Variants in ZFPM2 observed in about 807,000 individuals in gnomAD.
The protein encoded by ZFPM2 is zinc finger protein, FOG family member 2, also known as zinc finger protein ZFPM2.
Under a neutral mutation model 98.6 loss-of-function variants are expected in ZFPM2, and 20 were observed. That is an observed-to-expected ratio of 0.20 (90% confidence interval 0.14 to 0.29). ZFPM2 has a LOEUF of 0.29. Among genes scored for constraint, ZFPM2 ranks in the 10% least tolerant of loss-of-function variants. The probability of loss-of-function intolerance (pLI) is 1.00; values close to 1 mark genes in which losing one functional copy is unlikely to be tolerated. For missense variants in ZFPM2, 1,310 were observed against 1,388.6 expected, an observed-to-expected ratio of 0.94 and a Z score of 0.90; for synonymous variants, 518 against 502.7, an observed-to-expected ratio of 1.03 and a Z score of -0.41.
chr8:105,714,992 G>T (rs1185258464), intron 5 of ZFPM2, among the ~76,000 whole-genome samples: 1 of 152,020 alleles, frequency 6.6e-6, no homozygotes, highest in Non-Finnish European at 1.5e-5. Flanking sequence ...TCTGATGTAG[G>T]TCTTTGGTGT....
intron 1 of ZFPM2, among the ~76,000 whole-genome samples, chr8:105,393,373 T>TCTTTCTTTCTTTCTTTCTTG (rs1386470186): frequency 9.4e-6 from 1 of 106,666 alleles, no homozygotes; most frequent in Non-Finnish European, 1.9e-5. Flanking sequence ...TTTCTTTCTT[T>TCTTTCTTTCTTTCTTTCTTG]CTTTCTTTCT....
intron 4 of ZFPM2, among the ~76,000 whole-genome samples, chr8:105,590,733 TGTGCAA>T (rs1317414095): frequency 2.6e-5 from 4 of 151,872 alleles, no homozygotes; most frequent in Non-Finnish European, 4.4e-5. Flanking sequence ...CATGCATGAG[TGTGCAA>T]GTGCATGTGC....
intron 1 of ZFPM2, among the ~76,000 whole-genome samples, chr8:105,324,612 C>T (rs147921211): frequency 5.5e-4 from 84 of 151,932 alleles, no homozygotes; most frequent in African/African-American, 1.8e-3. Flanking sequence ...TTTCTAGTAT[C>T]GATGTTTTTG....
chr8:105,690,394 A>T (rs999581907), intron 5 of ZFPM2, among the ~76,000 whole-genome samples: 16 of 152,202 alleles, frequency 1.1e-4, no homozygotes, highest in African/African-American at 3.6e-4. Context: ...GGCATTGACC[A>T]TCGGGGCCAA....
At chr8:105,753,241 G>A (rs2131057015) in intron 5 of ZFPM2, among the ~76,000 whole-genome samples, 1 of 152,238 alleles carries the variant, frequency 6.6e-6, no homozygotes, top group South Asian at 2.1e-4. Flanking sequence ...GAGATCAGTA[G>A]CTTAAATTCT....
chr8:105,664,791 C>T (rs1817459174), intron 5 of ZFPM2, among the ~76,000 whole-genome samples: 1 of 151,842 alleles, frequency 6.6e-6, no homozygotes, highest in Admixed American at 6.6e-5. Flanking sequence ...AGGCAGAGAC[C>T]TTATCAGTTA....
intron 5 of ZFPM2, among the ~76,000 whole-genome samples, chr8:105,754,807 G>T (rs1563550077): frequency 6.6e-6 from 1 of 151,964 alleles, no homozygotes; most frequent in African/African-American, 2.4e-5. Context: ...CATGACGGTT[G>T]CAAAATTGGC....
chr8:105,477,182 A>G (rs756766412), intron 3 of ZFPM2, among the ~76,000 whole-genome samples: 8 of 151,534 alleles, frequency 5.3e-5, no homozygotes, highest in Non-Finnish European at 8.8e-5. Flanking sequence ...ACTTGTGCTT[A>G]ATACTGAACA....
intron 5 of ZFPM2, among the ~76,000 whole-genome samples, chr8:105,747,184 T>C (rs1402750211): frequency 1.3e-5 from 2 of 152,130 alleles, no homozygotes; most frequent in Non-Finnish European, 2.9e-5. Context: ...ATTTCCTTAA[T>C]GCACTTCACT....
chr8:105,601,085 C>G (rs1816081710), intron 4 of ZFPM2, among the ~76,000 whole-genome samples: 1 of 152,094 alleles, frequency 6.6e-6, no homozygotes, highest in Non-Finnish European at 1.5e-5. Context: ...GCTCCTCCCT[C>G]TCACCCTGGG....
At chr8:105,776,870 G>A (rs1813117635) in intron 5 of ZFPM2, among the ~76,000 whole-genome samples, 1 of 152,156 alleles carries the variant, frequency 6.6e-6, no homozygotes, top group African/African-American at 2.4e-5. Context: ...AATACAGAAA[G>A]TTCTTTGGAA....
intron 4 of ZFPM2, among the ~76,000 whole-genome samples, chr8:105,580,590 G>A (rs1815568788): frequency 6.6e-6 from 1 of 151,990 alleles, no homozygotes; most frequent in African/African-American, 2.4e-5. Context: ...TGTTTCGCTT[G>A]ACGATGTTAA....
chr8:105,424,406 G>A (rs906498468), intron 2 of ZFPM2, among the ~76,000 whole-genome samples: 6 of 152,016 alleles, frequency 3.9e-5, no homozygotes, highest in Non-Finnish European at 8.8e-5. Context: ...CTAGAGAAAT[G>A]AACTAAAATT....
At position 105,802,056 on chromosome 8, in the gene ZFPM2, CAAT is replaced by C. The variant is rs759533183; in HGVS notation, c.1975_1977del (p.Asn659del). On this transcript the variant is annotated inframe_deletion, in exon 8 of 8. Coordinates refer to ENST00000407775, the MANE Select transcript of ZFPM2 (RefSeq NM_012082.4). Reference sequence around the variant, plus strand: ...CTAAGAAGCTCTCCACCTCCAGTAACAATGATGACAAAATTAATGGAAAACCTG... The same window carrying C: ...CTAAGAAGCTCTCCACCTCCAGTAACGATGACAAAATTAATGGAAAACCTG... 1.2e-5 allele frequency: 20 copies of C among 1,613,654 alleles called. No individual in the cohort carries two copies. Among genetic ancestry groups the C allele is most frequent in the Middle Eastern group, 1.6e-4 (1 of 6,084 alleles).
At chr8:105,785,752 T>A (rs544408509) in intron 5 of ZFPM2, among the ~76,000 whole-genome samples, 4 of 151,568 alleles carry the variant, frequency 2.6e-5, no homozygotes, top group African/African-American at 9.7e-5. Flanking sequence ...AAAAATATTT[T>A]AAAAAATTGG....
chr8:105,381,850 A>G (rs1430799876), intron 1 of ZFPM2, among the ~76,000 whole-genome samples: 3 of 152,060 alleles, frequency 2.0e-5, no homozygotes, highest in Admixed American at 6.6e-5. Context: ...TATATGGTAC[A>G]TTTTCATAGA....
At chr8:105,524,682 G>A (rs1814134825) in intron 3 of ZFPM2, among the ~76,000 whole-genome samples, 1 of 152,112 alleles carries the variant, frequency 6.6e-6, no homozygotes, top group Non-Finnish European at 1.5e-5. Context: ...TGTGATCAAA[G>A]AGACATATGC....
chr8:105,598,320 G>T (rs1816016943), intron 4 of ZFPM2, among the ~76,000 whole-genome samples: 1 of 152,068 alleles, frequency 6.6e-6, no homozygotes, highest in East Asian at 1.9e-4. Context: ...GGATAAGAGG[G>T]TTGAATCCAG....
intron 3 of ZFPM2, among the ~76,000 whole-genome samples, chr8:105,484,178 C>G (rs1311808678): frequency 2.6e-5 from 4 of 152,090 alleles, no homozygotes; most frequent in African/African-American, 4.8e-5. Context: ...TTTCAGAAAG[C>G]TTTAGACATT....
Sources: gnomAD v4.1 joint callset for allele counts (sites outside exome capture counted in the v4.1 genomes callset) on GRCh38, gnomAD v4.1.1 for gene constraint, MANE v1.5 for transcripts, NCBI Gene and HGNC (gene_info 2026-07-23, HGNC 2026-07-21) for gene names.